The following CASQ2 variants were observed in gnomAD, a reference collection of about 807,000 sequenced individuals.
CASQ2 encodes the protein calsequestrin-2.
Under a neutral mutation model 46.5 loss-of-function variants are expected in CASQ2, and 49 were observed. The observed-to-expected ratio is 1.05, with a 90% confidence interval of 0.84 to 1.34. CASQ2 has a LOEUF of 1.34. CASQ2 is among the 40% of genes most tolerant of loss of function. The probability of loss-of-function intolerance (pLI) is 0.00; values close to 1 mark genes in which losing one functional copy is unlikely to be tolerated. For missense variants in CASQ2, 486 were observed against 481.3 expected (o/e 1.01, Z -0.09); for synonymous variants, 174 against 168.5 (o/e 1.03, Z -0.25).
At chr1:115,734,988 A>G (rs1479734926) in intron 4 of CASQ2, among the ~76,000 whole-genome samples, 1 of 152,226 alleles carries the variant, frequency 6.6e-6, no homozygotes, top group Non-Finnish European at 1.5e-5. Flanking sequence ...TTAAATGTAT[A>G]AACTTTATAG....
intron 8 of CASQ2, among the ~76,000 whole-genome samples, chr1:115,705,599 G>A (rs767680225): frequency 2.6e-4 from 40 of 152,180 alleles, no homozygotes; most frequent in Non-Finnish European, 3.8e-4. Flanking sequence ...ACGGAACAGA[G>A]AAATTCCTGC....
chr1:115,762,266 A>G (rs1291743423), intron 1 of CASQ2, among the ~76,000 whole-genome samples: 2 of 152,220 alleles, frequency 1.3e-5, no homozygotes, highest in Admixed American at 1.3e-4. Flanking sequence ...TCTGGAAAGT[A>G]TTGCTTGTTC....
intron 1 of CASQ2, among the ~76,000 whole-genome samples, chr1:115,754,878 A>T (rs1443131808): frequency 6.6e-6 from 1 of 152,210 alleles, no homozygotes. Flanking sequence ...CCACTACACT[A>T]AGTCAGTGGT....
intron 8 of CASQ2, among the ~76,000 whole-genome samples, chr1:115,708,919 G>A (rs1052640336): frequency 3.3e-5 from 5 of 152,336 alleles, no homozygotes; most frequent in East Asian, 3.9e-4. Context: ...TGTGACCAAA[G>A]GCTTCAGGGA....
intron 3 of CASQ2, among the ~76,000 whole-genome samples, chr1:115,740,207 T>G (rs952742240): frequency 1.2e-4 from 19 of 152,224 alleles, no homozygotes; most frequent in African/African-American, 4.6e-4. Context: ...TGAAATATTT[T>G]TATAATGTTT....
At chr1:115,736,490 A>G (rs1343785912) in intron 4 of CASQ2, among the ~76,000 whole-genome samples, 1 of 151,794 alleles carries the variant, frequency 6.6e-6, no homozygotes, top group East Asian at 2.0e-4. Flanking sequence ...CACTAAAATT[A>G]GCCAGGCGTG....
intron 5 of CASQ2, among the ~76,000 whole-genome samples, chr1:115,728,051 G>A (rs1397279261): frequency 6.6e-6 from 1 of 152,154 alleles, no homozygotes; most frequent in Non-Finnish European, 1.5e-5. Context: ...TCAGAGCTGT[G>A]GTTCAAGAAA....
At position 115,711,683 on chromosome 1, in the gene CASQ2, C is replaced by T. The variant is rs143428725; in HGVS notation, c.838+6157G>A. 8.0e-5 allele frequency among the ~76,000 whole-genome samples: 12 copies of T among 150,852 alleles called. No homozygotes were observed. The East Asian group carries it at 2.3e-3, about 30-fold the overall frequency. Reference sequence around the variant, plus strand: ...TTTGTTTTTGTTTTTGAGATGGAGTCTCACTCTGTCACCGAGGCTGGAGTG... The same window carrying T: ...TTTGTTTTTGTTTTTGAGATGGAGTTTCACTCTGTCACCGAGGCTGGAGTG... On this transcript the variant is annotated intron_variant, in intron 8 of 10. Transcript: ENST00000261448.
At chr1:115,707,333 G>T (rs1303500151) in intron 8 of CASQ2, among the ~76,000 whole-genome samples, 8 of 152,164 alleles carry the variant, frequency 5.3e-5, no homozygotes, top group Admixed American at 5.2e-4. Flanking sequence ...GCCTAGAAGG[G>T]GTCTTTATGG....
chr1:115,709,817 C>T (rs1654485634), intron 8 of CASQ2, among the ~76,000 whole-genome samples: 1 of 152,174 alleles, frequency 6.6e-6, no homozygotes. Context: ...TCCCCAATTT[C>T]TTCCTTTATG....
intron 1 of CASQ2, among the ~76,000 whole-genome samples, chr1:115,745,373 C>T (rs1648353372): frequency 8.6e-6 from 1 of 116,710 alleles, no homozygotes; most frequent in South Asian, 2.7e-4. Context: ...TCAATTCCCC[C>T]ACTCCTGGGC....
At chr1:115,762,580 T>C (rs1649000731) in intron 1 of CASQ2, among the ~76,000 whole-genome samples, 1 of 152,196 alleles carries the variant, frequency 6.6e-6, no homozygotes. Context: ...CATGTGAATA[T>C]AAAATGAAAA....
At position 115,704,848 on chromosome 1, in the gene CASQ2, T is replaced by C. The variant is rs142605063; in HGVS notation, c.939+344A>G. ...AGTAATTCAGGTGGCCTCAGAACGA[T>C]GGTCCCCACCCAGAAAATAAAAGTA... On this transcript the variant is annotated intron_variant, in intron 9 of 10. Coordinates refer to ENST00000261448, the MANE Select transcript of CASQ2 (RefSeq NM_001232.4). Among the ~76,000 whole-genome samples the C allele has an allele frequency of 6.2e-3, 949 of 152,332 alleles. 38 individuals carry two copies. The highest frequency in any genetic ancestry group is 0.056 in the Admixed American group (859 of 15,302).
At chr1:115,704,206 G>A (rs1353457115) in intron 9 of CASQ2, among the ~76,000 whole-genome samples, 1 of 152,200 alleles carries the variant, frequency 6.6e-6, no homozygotes, top group Non-Finnish European at 1.5e-5. Flanking sequence ...AGTATCATCA[G>A]TCATGACCTA....
chr1:115,759,608 A>T (rs1269629618), intron 1 of CASQ2, among the ~76,000 whole-genome samples: 1 of 152,250 alleles, frequency 6.6e-6, no homozygotes, highest in Non-Finnish European at 1.5e-5. Flanking sequence ...TTATAGCAAC[A>T]CTAAGCAGAC....
rs1308140889 is a variant in CASQ2, at chr1:115,700,886, G to C, written c.*355C>G. 3.4e-6 allele frequency: 2 copies of C among 591,874 alleles called. No individual in the cohort carries two copies. The highest frequency in any genetic ancestry group is 5.5e-5 in the East Asian group (2 of 36,276). The allele number at this position is 591,874 out of a possible 1,614,324, so 36.7% of individuals were successfully genotyped here. On this transcript the variant is annotated 3_prime_UTR_variant, in exon 11 of 11. Coordinates refer to ENST00000261448, the MANE Select transcript of CASQ2 (RefSeq NM_001232.4). ...TTAGAAAGCTGTCAATTTTGTTACT[G>C]TCATAATCAAAGACAAGTAAACTTG...
intron 4 of CASQ2, among the ~76,000 whole-genome samples, chr1:115,735,932 C>A (rs552326613): frequency 6.6e-6 from 1 of 152,136 alleles, no homozygotes; most frequent in African/African-American, 2.4e-5. Flanking sequence ...GAGGCCGAGG[C>A]GGGTGGATCA....
intron 1 of CASQ2, among the ~76,000 whole-genome samples, chr1:115,763,400 C>T (rs927320192): frequency 7.2e-5 from 11 of 152,076 alleles, no homozygotes; most frequent in African/African-American, 2.4e-4. Context: ...GCTGGCAACT[C>T]ACTCCTCCTC....
chr1:115,718,064 A>C (rs1386085317), intron 7 of CASQ2, among the ~76,000 whole-genome samples, 170 bp from the exon 8 acceptor site: 1 of 152,210 alleles, frequency 6.6e-6, no homozygotes, highest in East Asian at 1.9e-4. Context: ...ACATTAAGGA[A>C]GGAATGCTGA....
Sources: allele counts gnomAD v4.1 joint callset (sites outside exome capture counted in the v4.1 genomes callset), GRCh38; gene constraint gnomAD v4.1.1; transcripts MANE v1.5; gene names NCBI Gene and HGNC (gene_info 2026-07-23, HGNC 2026-07-21).